Variants in TMEM132D observed in about 807,000 individuals in gnomAD.
The protein encoded by TMEM132D is mature OL transmembrane protein.
A neutral mutation model predicts 62.3 loss-of-function variants in TMEM132D; 21 were observed. The ratio of observed to expected loss-of-function variants is 0.34; its 90% CI spans 0.24 to 0.49. TMEM132D has a LOEUF of 0.49. TMEM132D is among the 20% of genes least tolerant of loss of function. TMEM132D has a pLI of 0.99. For synonymous variants in TMEM132D, 621 were observed against 575.6 expected, an observed-to-expected ratio of 1.08 and a Z score of -1.13; for missense variants, 1,346 against 1,402.8, an observed-to-expected ratio of 0.96 and a Z score of 0.65.
At chr12:129,142,683 A>G (rs1357662583) in intron 5 of TMEM132D, among the ~76,000 whole-genome samples, 2 of 152,216 alleles carry the variant, frequency 1.3e-5, no homozygotes, top group Non-Finnish European at 2.9e-5. Flanking sequence ...ACGACTGGTA[A>G]GTTGGACAAG....
intron 2 of TMEM132D, among the ~76,000 whole-genome samples, chr12:129,534,899 C>T (rs1399175856): frequency 1.3e-5 from 2 of 151,954 alleles, no homozygotes; most frequent in Admixed American, 6.6e-5. Context: ...CTCAGCCTTC[C>T]CTTTAGGCAT....
At position 129,878,580 on chromosome 12, in the gene TMEM132D, CT is replaced by C. The variant is rs33919692; in HGVS notation, c.79+24680del. 1.3e-3 allele frequency among the ~76,000 whole-genome samples: 181 copies of C among 144,296 alleles called. 1 individual carries two copies. Among genetic ancestry groups the C allele is most frequent in the Middle Eastern group, 3.5e-3 (1 of 282 alleles). The allele number at this position is 144,296 out of a possible 152,430, so 94.7% of individuals were successfully genotyped here. A position where few individuals can be genotyped will look rare whatever the true frequency, so the allele number is the denominator to read the frequency against. On this transcript the variant is annotated intron_variant, in intron 1 of 8. Coordinates refer to ENST00000422113, the MANE Select transcript of TMEM132D (RefSeq NM_133448.3). Reference sequence around the variant, plus strand: ...CACCCCAAGTGTCTGCTGCAGATTGCTTTTTTTTTTTTTTAAAGACACAGTC... The same window carrying C: ...CACCCCAAGTGTCTGCTGCAGATTGCTTTTTTTTTTTTTAAAGACACAGTC...
Position 129,570,583 on chromosome 12 carries a change from A to G in TMEM132D, c.969-39378T>C, listed in dbSNP as rs189499691. On this transcript the variant is annotated intron_variant, in intron 2 of 8. Coordinates refer to ENST00000422113, the MANE Select transcript of TMEM132D (RefSeq NM_133448.3). ...ACACACCTCAGAGCTACCCTAGGGC[A>G]AATGTAACTGCCACAGGCATCTGAT... is the stretch of plus-strand genomic sequence containing the variant. Among the ~76,000 whole-genome samples, 163 of 152,320 alleles carry G rather than the reference A, an allele frequency of 1.1e-3. 1 individual carries two copies. Among genetic ancestry groups the G allele is most frequent in the African/African-American group, 3.6e-3 (151 of 41,570 alleles).
At chr12:129,440,522 G>A (rs182047803) in intron 3 of TMEM132D, among the ~76,000 whole-genome samples, 19 of 152,286 alleles carry the variant, frequency 1.2e-4, no homozygotes, top group African/African-American at 4.6e-4. Flanking sequence ...GTTTCTCTAG[G>A]CTCGGTGACC....
In TMEM132D at chr12:129,433,386, G is replaced by A. The variant is rs562621832; in HGVS notation, c.1116-95569C>T. 2.0e-5 allele frequency among the ~76,000 whole-genome samples: 3 copies of A among 152,220 alleles called. No individual in the cohort carries two copies. In the South Asian group the frequency reaches 6.2e-4, roughly 32 times the overall value. ...AAACTCCTAGAAGCAGTGTATGAAG[G>A]TTCCAGTAATTCCGCACTCTCAATT... is the stretch of plus-strand genomic sequence containing the variant. On this transcript the variant is annotated intron_variant, in intron 3 of 8. Coordinates refer to ENST00000422113, the MANE Select transcript of TMEM132D (RefSeq NM_133448.3).
At chr12:129,440,077 AG>A (rs1555256041) in intron 3 of TMEM132D, among the ~76,000 whole-genome samples, 1 of 152,192 alleles carries the variant, frequency 6.6e-6, no homozygotes, top group Non-Finnish European at 1.5e-5. Context: ...GTGCAATGAG[AG>A]GACAACGCCA....
At chr12:129,708,979 G>A (rs1881574064) in intron 1 of TMEM132D, among the ~76,000 whole-genome samples, 1 of 152,180 alleles carries the variant, frequency 6.6e-6, no homozygotes, top group South Asian at 2.1e-4. Context: ...CAGAGTGAGT[G>A]TGGAAGACCT....
At chr12:129,725,762 A>C (rs1869010980) in intron 1 of TMEM132D, among the ~76,000 whole-genome samples, 1 of 152,254 alleles carries the variant, frequency 6.6e-6, no homozygotes, top group Non-Finnish European at 1.5e-5. Context: ...GCATCTGCAC[A>C]GAAAAGTTAA....
chr12:129,207,496 G>A (rs532785651), intron 5 of TMEM132D, among the ~76,000 whole-genome samples: 10 of 152,314 alleles, frequency 6.6e-5, no homozygotes, highest in East Asian at 3.9e-4. Flanking sequence ...TTTTGCTGAC[G>A]CTGCTCAGAA....
intron 3 of TMEM132D, among the ~76,000 whole-genome samples, chr12:129,375,672 C>G (rs1374593318): frequency 6.6e-6 from 1 of 152,122 alleles, no homozygotes; most frequent in African/African-American, 2.4e-5. Flanking sequence ...CCAGTAGAAT[C>G]ATACACCAGG....
rs1878841883 is a variant in TMEM132D at position 129,206,159 on chromosome 12, CA to C, written c.1443+3360del. 4.6e-5 allele frequency among the ~76,000 whole-genome samples: 7 copies of C among 152,228 alleles called. No individual in the cohort carries two copies. In the South Asian group the frequency reaches 1.5e-3, roughly 32 times the overall value. ...AGCAAAGGAAACTCAACAGAGTAAA[CA>C]GACAACCTACATACAGAATGGAAAA... On this transcript the variant is annotated intron_variant, in intron 5 of 8. Transcript: ENST00000422113.
chr12:129,661,117 T>C (rs1288201157), intron 2 of TMEM132D, among the ~76,000 whole-genome samples: 1 of 152,238 alleles, frequency 6.6e-6, no homozygotes, highest in Non-Finnish European at 1.5e-5. Flanking sequence ...TCTGCAGCTG[T>C]GCTGGGCTAA....
intron 2 of TMEM132D, among the ~76,000 whole-genome samples, chr12:129,589,719 T>C (rs1173847728): frequency 1.3e-5 from 2 of 152,262 alleles, no homozygotes; most frequent in South Asian, 4.2e-4. Context: ...TCATGGGTGG[T>C]TGAGCAAATC....
intron 3 of TMEM132D, among the ~76,000 whole-genome samples, chr12:129,456,380 A>C (rs1311417747): frequency 6.6e-6 from 1 of 152,124 alleles, no homozygotes; most frequent in Non-Finnish European, 1.5e-5. Context: ...GAGAGAACAG[A>C]TGGAAGTTGA....
chr12:129,358,984 A>T (rs1210725432), intron 3 of TMEM132D, among the ~76,000 whole-genome samples: 1 of 152,162 alleles, frequency 6.6e-6, no homozygotes, highest in East Asian at 1.9e-4. Context: ...GTCCATTTTA[A>T]CTTTATTCAC....
chr12:129,486,127 G>A (rs917616061), intron 3 of TMEM132D, among the ~76,000 whole-genome samples: 5 of 152,316 alleles, frequency 3.3e-5, no homozygotes, highest in East Asian at 1.9e-4. Context: ...AAGACTGATC[G>A]GTGTCGGTAT....
chr12:129,395,623 A>G (rs898469195), intron 3 of TMEM132D, among the ~76,000 whole-genome samples: 2 of 151,640 alleles, frequency 1.3e-5, no homozygotes, highest in African/African-American at 4.8e-5. Flanking sequence ...GAATATATAT[A>G]TTTACATATA....
chr12:129,537,497 A>G (rs957481982), intron 2 of TMEM132D, among the ~76,000 whole-genome samples: 1 of 152,170 alleles, frequency 6.6e-6, no homozygotes, highest in Non-Finnish European at 1.5e-5. Context: ...GTTCATGTCA[A>G]TATTCACATG....
chr12:129,747,676 C>T (rs1869849298), intron 1 of TMEM132D, among the ~76,000 whole-genome samples: 1 of 150,906 alleles, frequency 6.6e-6, no homozygotes, highest in South Asian at 2.1e-4. Flanking sequence ...CATTCAGACA[C>T]ACACAGACAT....
Sources: allele counts gnomAD v4.1 joint callset (sites outside exome capture counted in the v4.1 genomes callset), GRCh38; gene constraint gnomAD v4.1.1; transcripts MANE v1.5; gene names NCBI Gene and HGNC (gene_info 2026-07-23, HGNC 2026-07-21).